USH2A: variants seen among roughly 807,000 people sequenced by gnomAD.
USH2A encodes usherin.
USH2A carries 443 observed loss-of-function variants against 538.9 expected under a neutral mutation model. The observed-to-expected ratio is 0.82, with a 90% CI of 0.76 to 0.89. The LOEUF is 0.89. USH2A is among the 40% of genes least tolerant of loss of function. USH2A has a pLI of 0.00. For missense variants in USH2A, 6,633 were observed against 6,324.8 expected (o/e 1.05, Z -1.65); for synonymous variants, 2,413 against 2,273.5 (o/e 1.06, Z -1.75).
chr1:216,236,342 T>G (rs913299305), intron 13 of USH2A, among the ~76,000 whole-genome samples: 1 of 152,152 alleles, frequency 6.6e-6, no homozygotes, highest in Non-Finnish European at 1.5e-5. Flanking sequence ...TTCCTTCACT[T>G]TACTACTTCT....
intron 70 of USH2A, 83 bp downstream of exon 70, chr1:215,634,375 TG>T: frequency 6.2e-7 from 1 of 1,601,662 alleles, no homozygotes; most frequent in Non-Finnish European, 8.5e-7. Flanking sequence ...CTTGTTACCA[TG>T]GCTATGACAC....
chr1:216,194,446 G>T (rs1374428253), intron 19 of USH2A, among the ~76,000 whole-genome samples: 1 of 151,978 alleles, frequency 6.6e-6, no homozygotes, highest in Non-Finnish European at 1.5e-5. Context: ...GAAATCTGAG[G>T]GTGATTAATC....
Position 215,675,553 on chromosome 1 carries a change from G to T in USH2A, c.12358C>A (p.Arg4120Ser). 1 of 1,613,988 alleles carries T rather than the reference G, an allele frequency of 6.2e-7. No individual in the cohort carries two copies. The highest frequency in any genetic ancestry group is 8.5e-7 in the Non-Finnish European group (1 of 1,180,006). The change falls in exon 63 of 72, where the codon CGC (arginine) becomes AGC (serine). Residue 4120 changes from arginine (R) to serine (S), a missense_variant. Arg to Ser is a moderately radical substitution (Grantham distance 110). Coordinates refer to ENST00000307340, the MANE Select transcript of USH2A (RefSeq NM_206933.4). ...TAGAGAGTGAAAGGATCCAGGCGGC[G>T]GAAGAGAAACTGACGATTCAAACCA... ...YSGLNRQFLF[R>S]RLDPFTLYTL...
At chr1:215,658,077 G>A (rs1354178239) in intron 64 of USH2A, among the ~76,000 whole-genome samples, 3 of 151,766 alleles carry the variant, frequency 2.0e-5, no homozygotes, top group Non-Finnish European at 4.4e-5. Context: ...TGGGACTACA[G>A]GCGCACGCCA....
intron 13 of USH2A, among the ~76,000 whole-genome samples, chr1:216,242,086 A>G (rs1033483653): frequency 6.6e-6 from 1 of 152,056 alleles, no homozygotes; most frequent in African/African-American, 2.4e-5. Flanking sequence ...GCATAACTAC[A>G]ATAATAATAT....
intron 30 of USH2A, among the ~76,000 whole-genome samples, chr1:216,050,052 C>A (rs1211953542): frequency 6.6e-6 from 1 of 152,214 alleles, no homozygotes; most frequent in Non-Finnish European, 1.5e-5. Flanking sequence ...CTCATTCCTG[C>A]CCCTGCGATT....
At chr1:216,217,747 G>T (rs2035371232) in intron 14 of USH2A, among the ~76,000 whole-genome samples, 197 bp from the exon 15 acceptor site, 1 of 151,854 alleles carries the variant, frequency 6.6e-6, no homozygotes, top group South Asian at 2.1e-4. Flanking sequence ...TAAAACTACT[G>T]TTCCTGGTAA....
chr1:216,213,025 G>T (rs143573668), intron 15 of USH2A, among the ~76,000 whole-genome samples: 2 of 151,970 alleles, frequency 1.3e-5, no homozygotes, highest in African/African-American at 2.4e-5. Context: ...ATAACATTGC[G>T]CAATTATACT....
At chr1:216,235,287 A>G (rs192031552) in intron 13 of USH2A, among the ~76,000 whole-genome samples, 31 of 152,230 alleles carry the variant, frequency 2.0e-4, no homozygotes, top group East Asian at 3.9e-4. Context: ...CCAAATCTTT[A>G]TATATCTGTA....
intron 35 of USH2A, among the ~76,000 whole-genome samples, chr1:215,979,845 G>A (rs1490934577): frequency 6.6e-6 from 1 of 152,090 alleles, no homozygotes; most frequent in African/African-American, 2.4e-5. Context: ...TACTTCCAAA[G>A]TACTAACTTA....
intron 58 of USH2A, among the ~76,000 whole-genome samples, chr1:215,756,273 G>A (rs1243949274): frequency 3.3e-5 from 5 of 152,058 alleles, no homozygotes; most frequent in Non-Finnish European, 7.4e-5. Context: ...ATGAATCCAG[G>A]CTTTTTCATT....
intron 19 of USH2A, among the ~76,000 whole-genome samples, chr1:216,191,942 A>T (rs143157927): frequency 0.01 from 1,563 of 152,142 alleles, 25 homozygotes; most frequent in African/African-American, 0.036. Context: ...ACAGATGATT[A>T]TTATAAATTA....
intron 21 of USH2A, among the ~76,000 whole-genome samples, chr1:216,130,745 T>C (rs2033358301): frequency 6.6e-6 from 1 of 151,174 alleles, no homozygotes; most frequent in African/African-American, 2.4e-5. Context: ...TCCATATTTT[T>C]GCAATTGTGA....
At chr1:216,088,909 G>A in intron 23 of USH2A, 104 bp downstream of exon 23, 2 of 1,539,152 alleles carry the variant, frequency 1.3e-6, no homozygotes, top group Non-Finnish European at 8.9e-7. Context: ...ATGGAATTGA[G>A]TAGAAATTAT....
chr1:216,203,869 G>C (rs2035052588), intron 16 of USH2A, among the ~76,000 whole-genome samples: 1 of 152,066 alleles, frequency 6.6e-6, no homozygotes, highest in South Asian at 2.1e-4. Flanking sequence ...CCTGTGGAAG[G>C]ATTTCTCTAA....
At chr1:215,749,406 T>C (rs1409739873) in intron 58 of USH2A, among the ~76,000 whole-genome samples, 1 of 152,202 alleles carries the variant, frequency 6.6e-6, no homozygotes. Flanking sequence ...GAAATAAATG[T>C]CCTTTACATA....
Position 215,640,610 on chromosome 1 carries a change from G to A in USH2A, c.14916C>T (p.Arg4972=), listed in dbSNP as rs774031723. ...KEYVLTDGGR[R]VYSGLDTTLY... ...GGGTGGTGTCCAAGCCGCTGTACACGCGTCGCCCTCCGTCGGTTAACACGT... is the reference window on the plus strand; with the variant it reads ...GGGTGGTGTCCAAGCCGCTGTACACACGTCGCCCTCCGTCGGTTAACACGT... The change falls in exon 68 of 72, where the codon CGC becomes CGT. Residue 4972 remains arginine (R), a synonymous_variant. Transcript: ENST00000307340. 40 of 1,613,748 alleles carry A rather than the reference G, an allele frequency of 2.5e-5. No individual in the cohort carries two copies. The East Asian group carries it at 8.0e-4, about 32-fold the overall frequency.
intron 44 of USH2A, among the ~76,000 whole-genome samples, chr1:215,862,938 G>A (rs568325106): frequency 1.3e-4 from 20 of 152,238 alleles, no homozygotes; most frequent in Middle Eastern, 3.4e-3. Context: ...CAATGTTGGC[G>A]GTTGTCATTT....
At chr1:215,780,471 C>T (rs1661600976) in intron 54 of USH2A, among the ~76,000 whole-genome samples, 1 of 152,208 alleles carries the variant, frequency 6.6e-6, no homozygotes, top group Non-Finnish European at 1.5e-5. Context: ...AACTTGCTTG[C>T]ATACAATATG....
Sources: gnomAD v4.1 joint callset for allele counts (sites outside exome capture counted in the v4.1 genomes callset) on GRCh38, gnomAD v4.1.1 for gene constraint, MANE v1.5 for transcripts, NCBI Gene and HGNC (gene_info 2026-07-23, HGNC 2026-07-21) for gene names.